NRXN3: variants seen among roughly 807,000 people sequenced by gnomAD.
NRXN3 encodes neurexin III.
In NRXN3, 32 loss-of-function variants were observed where a neutral mutation model predicts 137.6. The ratio of observed to expected loss-of-function variants is 0.23; its 90% CI spans 0.18 to 0.31. NRXN3 has a LOEUF of 0.31. Among genes scored for constraint, NRXN3 ranks in the 10% least tolerant of loss-of-function variants. The pLI is 1.00. For missense variants in NRXN3, 1,574 were observed against 2,062.5 expected, an observed-to-expected ratio of 0.76 and a Z score of 4.59; for synonymous variants, 798 against 784.5, an observed-to-expected ratio of 1.02 and a Z score of -0.29.
At chr14:78,620,756 A>G (rs2097396051) in intron 4 of NRXN3, among the ~76,000 whole-genome samples, 1 of 152,186 alleles carries the variant, frequency 6.6e-6, no homozygotes, top group African/African-American at 2.4e-5. Context: ...TTTCATTTAT[A>G]CTTTACTACA....
At chr14:79,264,543 TG>T (rs2078147801) in intron 15 of NRXN3, among the ~76,000 whole-genome samples, 3 of 151,868 alleles carry the variant, frequency 2.0e-5, no homozygotes, top group African/African-American at 4.8e-5. Flanking sequence ...TGTGTGTGTG[TG>T]TGTGTGTGTG....
chr14:79,391,657 G>C (rs1201813610), intron 15 of NRXN3, among the ~76,000 whole-genome samples: 1 of 152,166 alleles, frequency 6.6e-6, no homozygotes, highest in Admixed American at 6.5e-5. Context: ...AAATCAAACT[G>C]TCTAAAATAG....
intron 10 of NRXN3, among the ~76,000 whole-genome samples, chr14:78,923,057 G>T (rs2099275418): frequency 6.6e-6 from 1 of 152,018 alleles, no homozygotes; most frequent in Non-Finnish European, 1.5e-5. Context: ...TGTAGTATGT[G>T]ACTTTCTAGG....
At chr14:79,586,199 T>C (rs2097764389) in intron 16 of NRXN3, among the ~76,000 whole-genome samples, 1 of 152,228 alleles carries the variant, frequency 6.6e-6, no homozygotes. Flanking sequence ...TTTATATTAT[T>C]TGTTTGAACA....
chr14:79,188,052 T>C (rs1222408186), intron 15 of NRXN3, among the ~76,000 whole-genome samples: 1 of 152,242 alleles, frequency 6.6e-6, no homozygotes, highest in Admixed American at 6.5e-5. Flanking sequence ...GTTTCTATCT[T>C]GTTACAAGTT....
chr14:79,684,128 C>T (rs1044214201), intron 17 of NRXN3, among the ~76,000 whole-genome samples: 10 of 152,138 alleles, frequency 6.6e-5, no homozygotes, highest in African/African-American at 2.4e-4. Context: ...GAGGTATCTC[C>T]TACCAGAAAC....
chr14:78,560,153 G>A lies in NRXN3; in HGVS notation c.758-84967G>A, dbSNP rs575244235. On this transcript the variant is annotated intron_variant, in intron 4 of 20. Coordinates refer to ENST00000335750, the MANE Select transcript of NRXN3 (RefSeq NM_001330195.2). ...TATTTTCTATTCTAATAGGGTGATC[G>A]GTTTATTTTTTTCTTTTCTTGACTG... Among the ~76,000 whole-genome samples, 9 of 152,242 alleles carry A rather than the reference G, an allele frequency of 5.9e-5. No homozygotes were observed. The South Asian group carries it at 8.3e-4, about 14-fold the overall frequency.
chr14:78,980,324 C>T (rs1247147768), intron 14 of NRXN3, among the ~76,000 whole-genome samples: 2 of 152,204 alleles, frequency 1.3e-5, no homozygotes, highest in Admixed American at 6.5e-5. Context: ...TTTCTCCACC[C>T]ACTTCTTGTC....
At chr14:79,689,288 T>A (rs2154023406) in intron 17 of NRXN3, among the ~76,000 whole-genome samples, 1 of 152,174 alleles carries the variant, frequency 6.6e-6, no homozygotes, top group East Asian at 1.9e-4. Flanking sequence ...GCTTTTAGAG[T>A]AGCCCTGTAT....
intron 14 of NRXN3, among the ~76,000 whole-genome samples, chr14:78,969,252 A>T (rs975435953): frequency 1.3e-5 from 2 of 152,166 alleles, no homozygotes; most frequent in East Asian, 3.9e-4. Context: ...TACTAAATGA[A>T]TTTTACAGGT....
chr14:78,439,238 G>A (rs1314575483), intron 4 of NRXN3, among the ~76,000 whole-genome samples: 1 of 152,088 alleles, frequency 6.6e-6, no homozygotes, highest in Non-Finnish European at 1.5e-5. Flanking sequence ...AAAAAACCAG[G>A]GTACCTCTTT....
chr14:79,463,055 CA>C, intron 15 of NRXN3, among the ~76,000 whole-genome samples: 1 of 152,140 alleles, frequency 6.6e-6, no homozygotes, highest in South Asian at 2.1e-4. Flanking sequence ...AAGGCAGGGC[CA>C]GGGGGTTTCT....
intron 19 of NRXN3, among the ~76,000 whole-genome samples, chr14:79,787,763 G>A (rs1184123673): frequency 1.3e-5 from 2 of 151,854 alleles, no homozygotes; most frequent in African/African-American, 4.8e-5. Flanking sequence ...ATTCCATTGT[G>A]TGTGTGTATA....
At chr14:79,365,310 C>T (rs977317154) in intron 15 of NRXN3, among the ~76,000 whole-genome samples, 2 of 152,038 alleles carry the variant, frequency 1.3e-5, no homozygotes, top group East Asian at 3.9e-4. Flanking sequence ...GGTCCAGCTG[C>T]CTTTGAAGGA....
chr14:78,974,343 T>C (rs1251668127), intron 14 of NRXN3, among the ~76,000 whole-genome samples: 1 of 152,204 alleles, frequency 6.6e-6, no homozygotes, highest in African/African-American at 2.4e-5. Context: ...CTGACTTTAC[T>C]ATCACGCAGG....
chr14:79,094,972 G>A (rs2049974572), intron 15 of NRXN3, among the ~76,000 whole-genome samples: 1 of 111,626 alleles, frequency 9.0e-6, no homozygotes, highest in Non-Finnish European at 2.0e-5. Context: ...GAGAGAGAGA[G>A]AGAGAGAGTG....
chr14:79,636,737 C>T (rs1050183026), intron 16 of NRXN3, among the ~76,000 whole-genome samples: 17 of 152,116 alleles, frequency 1.1e-4, no homozygotes, highest in African/African-American at 3.9e-4. Context: ...GCATCCACAC[C>T]GTCCTCTGCC....
intron 2 of NRXN3, among the ~76,000 whole-genome samples, chr14:78,270,333 T>C (rs2153486470): frequency 6.6e-6 from 1 of 152,332 alleles, no homozygotes; most frequent in South Asian, 2.1e-4. Flanking sequence ...GTTTCTGTTT[T>C]GATTTCCTGG....
intron 5 of NRXN3, among the ~76,000 whole-genome samples, chr14:78,645,708 T>G (rs192113941): frequency 6.6e-6 from 1 of 152,296 alleles, no homozygotes. Context: ...TTTATTCTGC[T>G]TTCCTTTGAT....
Sources: allele counts gnomAD v4.1 joint callset (sites outside exome capture counted in the v4.1 genomes callset), GRCh38; gene constraint gnomAD v4.1.1; transcripts MANE v1.5; gene names NCBI Gene and HGNC (gene_info 2026-07-23, HGNC 2026-07-21).